DYNC1LI2: variants seen among roughly 807,000 people sequenced by gnomAD.
The protein encoded by DYNC1LI2 is cytoplasmic dynein 1 light intermediate chain 2.
DYNC1LI2 carries 19 observed loss-of-function variants against 57.8 expected under a neutral mutation model. That is an observed-to-expected ratio of 0.33 (90% CI 0.23 to 0.48). The LOEUF is 0.48. DYNC1LI2 is among the 20% of genes least tolerant of loss of function. DYNC1LI2 has a pLI of 0.99. For missense variants in DYNC1LI2, 470 were observed against 604.2 expected (o/e 0.78, Z 2.33); for synonymous variants, 256 against 233.4 (o/e 1.10, Z -0.88).
chr16:66,728,292 C>CTGAAT (rs747383623), intron 9 of DYNC1LI2, 50 bp from the exon 10 acceptor site: 1 of 1,609,328 alleles, frequency 6.2e-7, no homozygotes, highest in Non-Finnish European at 8.5e-7. Context: ...GCAGAGAGCA[C>CTGAAT]TGAAGGTCTA....
intron 6 of DYNC1LI2, chr16:66,734,003 C>T (rs1289120395): frequency 2.0e-6 from 1 of 509,754 alleles, no homozygotes; most frequent in African/African-American, 2.0e-5. Context: ...TTAAAACAAA[C>T]AAACAAACAA....
At chr16:66,735,571 A>G (rs1170427655) in intron 5 of DYNC1LI2, among the ~76,000 whole-genome samples, 1 of 151,504 alleles carries the variant, frequency 6.6e-6, no homozygotes, top group African/African-American at 2.4e-5. Context: ...CAATGGCATG[A>G]TCTCGGCTCA....
At position 66,722,029 on chromosome 16, in the gene DYNC1LI2, C is replaced by G. The variant is rs2017457412; in HGVS notation, c.*1693G>C. On this transcript the variant is annotated 3_prime_UTR_variant, in exon 13 of 13. Transcript: ENST00000258198. Reference sequence around the variant, plus strand: ...ACAATACATTTGTTTTTTTAAAAAACTGAATTAAAAAAGGAAAAAAATAGT... The same window carrying G: ...ACAATACATTTGTTTTTTTAAAAAAGTGAATTAAAAAAGGAAAAAAATAGT... 1 of 152,450 alleles carries G rather than the reference C, an allele frequency of 6.6e-6. No individual in the cohort carries two copies. Among genetic ancestry groups the G allele is most frequent in the Non-Finnish European group, 1.5e-5 (1 of 68,012 alleles). The allele number at this position is 152,450 out of a possible 1,614,324, so 9.4% of individuals were successfully genotyped here.
intron 11 of DYNC1LI2, 150 bp downstream of exon 11, chr16:66,727,537 TG>T: frequency 1.5e-6 from 1 of 678,734 alleles, no homozygotes; most frequent in Non-Finnish European, 2.4e-6. Flanking sequence ...TCCTCTGGAA[TG>T]GGGGAAATGG....
intron 8 of DYNC1LI2, among the ~76,000 whole-genome samples, chr16:66,729,848 C>T (rs1050807345): frequency 1.3e-5 from 2 of 152,120 alleles, no homozygotes; most frequent in African/African-American, 4.8e-5. Flanking sequence ...GTGGCGCAAT[C>T]TGGGTTCACT....
intron 3 of DYNC1LI2, among the ~76,000 whole-genome samples, chr16:66,744,520 C>T (rs533535245): frequency 1.2e-4 from 18 of 152,018 alleles, no homozygotes; most frequent in South Asian, 8.3e-4. Flanking sequence ...ATCTAACTGC[C>T]GAAGACAATT....
rs554550152 is a variant in DYNC1LI2, at chr16:66,734,032, A to G, written c.793+186T>C. 1.2e-5 allele frequency: 7 copies of G among 561,930 alleles called. No homozygotes were observed. The East Asian group carries it at 2.1e-4, about 17-fold the overall frequency. The allele number at this position is 561,930 out of a possible 1,614,324, so 34.8% of individuals were successfully genotyped here. On this transcript the variant is annotated intron_variant, in intron 6 of 12. Transcript: ENST00000258198. ...CAAACAAACAAATAAATGAGTGATCAAAGGTAGACACAAGTTAATAAACCT... is the reference window on the plus strand; with the variant it reads ...CAAACAAACAAATAAATGAGTGATCGAAGGTAGACACAAGTTAATAAACCT...
In DYNC1LI2 at chr16:66,742,520, C is replaced by A. The variant is rs764485557; in HGVS notation, c.447G>T (p.Leu149=). ...MSRPWTVMES[L]QKWASVLREH... is the part of the protein sequence containing the mutation. ...CACGTAAAACACTAGCCCATTTCTG[C>A]AGAGATTCCATCACAGTCCAAGGTC... The change falls in exon 4 of 13, where the codon CTG becomes CTT. Residue 149 remains leucine (L), a synonymous_variant. Coordinates refer to ENST00000258198, the MANE Select transcript of DYNC1LI2 (RefSeq NM_006141.3). 7 of 1,614,220 alleles carry A rather than the reference C, an allele frequency of 4.3e-6. No homozygotes were observed. Among genetic ancestry groups the A allele is most frequent in the African/African-American group, 1.3e-5 (1 of 75,054 alleles).
chr16:66,732,588 A>G (rs2017657838), intron 6 of DYNC1LI2, 114 bp from the exon 7 acceptor site: 1 of 1,156,236 alleles, frequency 8.6e-7, no homozygotes, highest in African/African-American at 1.6e-5. Flanking sequence ...TATATGAGCA[A>G]CAGAAAGCAT....
intron 4 of DYNC1LI2, among the ~76,000 whole-genome samples, chr16:66,736,509 G>C (rs1388514131): frequency 6.6e-6 from 1 of 152,114 alleles, no homozygotes; most frequent in Non-Finnish European, 1.5e-5. Flanking sequence ...CCCCTGAACA[G>C]GTTTTTTTTT....
At chr16:66,743,290 G>A (rs751186974) in intron 3 of DYNC1LI2, among the ~76,000 whole-genome samples, 31 of 151,798 alleles carry the variant, frequency 2.0e-4, no homozygotes, top group Non-Finnish European at 4.3e-4. Flanking sequence ...CGGACCCAGT[G>A]CGGTGGCTCA....
rs762198514 is a variant in DYNC1LI2 at position 66,742,660 on chromosome 16, G to A, written c.307C>T (p.Arg103Cys). Residue 103 changes from arginine to cysteine, a missense_variant, in exon 4 of 13, where the codon CGC becomes TGC. Transcript: ENST00000258198. Reference sequence around the variant, plus strand: ...CCATCCAGAATCCACACGTTGCAGCGCGTGTGATCTGAGAAAACAAGTGAA... The same window carrying A: ...CCATCCAGAATCCACACGTTGCAGCACGTGTGATCTGAGAAAACAAGTGAA... The part of the protein sequence containing the change: ...VHDEDRDDHT[R>C]CNVWILDGDL... 8.1e-6 allele frequency: 13 copies of A among 1,613,910 alleles called. No homozygotes were observed. The highest frequency in any genetic ancestry group is 4.0e-5 in the African/African-American group (3 of 74,918).
Position 66,751,454 on chromosome 16 carries a change from C to T in DYNC1LI2, c.107+31G>A, listed in dbSNP as rs1192926406. Reference sequence around the variant, plus strand: ...GGTCCGGCCCAGAGGCCGCGCCCCCCACGGCCCGGCCCGACCGCCCGCGGC... The same window carrying T: ...GGTCCGGCCCAGAGGCCGCGCCCCCTACGGCCCGGCCCGACCGCCCGCGGC... On this transcript the variant is annotated intron_variant, in intron 1 of 12. Transcript: ENST00000258198. The surrounding 1 kb of genome is among the most constrained non-coding windows in gnomAD (Gnocchi z 5.2). 6.3e-7 allele frequency: 1 copy of T among 1,580,590 alleles called. No individual in the cohort carries two copies. Among genetic ancestry groups the T allele is most frequent in the African/African-American group, 1.4e-5 (1 of 70,730 alleles).
At chr16:66,732,251 G>A (rs1171336427) in intron 7 of DYNC1LI2, 88 bp downstream of exon 7, 4 of 1,503,748 alleles carry the variant, frequency 2.7e-6, no homozygotes, top group Non-Finnish European at 3.6e-6. Flanking sequence ...GACACAGACA[G>A]AAGGCACCTT....
chr16:66,751,296 G>A lies in DYNC1LI2; in HGVS notation c.158C>T (p.Ser53Phe), dbSNP rs2018045855. 1.2e-6 allele frequency: 2 copies of A among 1,612,300 alleles called. No homozygotes were observed. The highest frequency in any genetic ancestry group is 1.7e-6 in the Non-Finnish European group (2 of 1,179,156). Residue 53 changes from serine to phenylalanine, a missense_variant, in exon 2 of 13, where the codon TCC (serine) becomes TTC (phenylalanine). Transcript: ENST00000258198. This position sits in a 1 kb window ranked among gnomAD's most constrained non-coding sequence, Gnocchi z 5.2. ...ACCGAAGACCAGGATGTTCTTGCCGGACGGCAGCTTGGACCTGGCGCGGGT... is the reference window on the plus strand; with the variant it reads ...ACCGAAGACCAGGATGTTCTTGCCGAACGGCAGCTTGGACCTGGCGCGGGT... The part of the protein sequence containing the change: ...VSTRARSKLP[S>F]GKNILVFGED...
intron 3 of DYNC1LI2, among the ~76,000 whole-genome samples, chr16:66,744,633 G>A (rs1231606778): frequency 6.6e-6 from 1 of 151,730 alleles, no homozygotes; most frequent in Non-Finnish European, 1.5e-5. Context: ...CGCAACCGCC[G>A]CCACCCCTCC....
intron 9 of DYNC1LI2, among the ~76,000 whole-genome samples, chr16:66,728,675 C>T (rs1189997613): frequency 6.6e-6 from 1 of 152,160 alleles, no homozygotes. Flanking sequence ...GCATCACCTG[C>T]CTTTATGTAC....
At position 66,732,380 on chromosome 16, in the gene DYNC1LI2, G is replaced by C; in HGVS notation, c.888C>G (p.Phe296Leu). ...YIVHKTYGFH[F>L]TTPALVVEKD... is the part of the protein sequence containing the mutation. ...TTTCCACAACTAAGGCAGGTGTGGT[G>C]AAGTGGAAACCGTATGTTTTATGAA... Residue 296 changes from phenylalanine to leucine, a missense_variant, in exon 7 of 13, where the codon TTC becomes TTG. Coordinates refer to ENST00000258198, the MANE Select transcript of DYNC1LI2 (RefSeq NM_006141.3). The C allele has an allele frequency of 1.9e-6, 3 of 1,613,990 alleles. No homozygotes were observed. Among genetic ancestry groups the C allele is most frequent in the East Asian group, 2.2e-5 (1 of 44,872 alleles).
At position 66,750,899 on chromosome 16, in the gene DYNC1LI2, G is replaced by T. The variant is rs2018034299; in HGVS notation, c.181+374C>A. Among the ~76,000 whole-genome samples the T allele has an allele frequency of 2.0e-5, 3 of 152,136 alleles. No homozygotes were observed. The South Asian group carries it at 6.2e-4, about 32-fold the overall frequency. ...CTGATGAGGCTCAAAGAAGGCTCCC[G>T]TGGTCATTTCCCCACAGCTCCGAGC... On this transcript the variant is annotated intron_variant, in intron 2 of 12. Transcript: ENST00000258198.
Sources: gnomAD v4.1 joint callset for allele counts (sites outside exome capture counted in the v4.1 genomes callset) on GRCh38, gnomAD v4.1.1 for gene constraint, Gnocchi (gnomAD v3.1) non-coding constraint, MANE v1.5 for transcripts, NCBI Gene and HGNC (gene_info 2026-07-23, HGNC 2026-07-21) for gene names.